Variants in TPRG1 observed in about 807,000 individuals in gnomAD.
TPRG1 encodes the protein tumor protein p63-regulated gene 1 protein.
In TPRG1, 29 loss-of-function variants were observed where a neutral mutation model predicts 29.3. That is an observed-to-expected ratio of 0.99 (90% CI 0.74 to 1.35). TPRG1 has a LOEUF of 1.35. Ranked by LOEUF, TPRG1 falls within the 40% of genes most tolerant of loss-of-function variation. TPRG1 has a pLI of 0.00. For synonymous variants in TPRG1, 130 were observed against 116.8 expected (o/e 1.11, Z -0.73); for missense variants, 327 against 335.0 (o/e 0.98, Z 0.19).
chr3:189,249,208 A>T (rs1741800274), intron 4 of TPRG1, among the ~76,000 whole-genome samples: 1 of 151,720 alleles, frequency 6.6e-6, no homozygotes. Flanking sequence ...TTGAGATAGG[A>T]TAAATTTTTT....
rs143914132 is a variant in TPRG1, at chr3:189,161,761, A to C, written c.-10+10889A>C. Among the ~76,000 whole-genome samples, 33 of 152,362 alleles carry C rather than the reference A, an allele frequency of 2.2e-4. No homozygotes were observed. The East Asian group carries it at 6.2e-3, about 28-fold the overall frequency. ...CAAAGAGCTCTCAGATTAATCAGGGAATGACAATAGTCTAGAAATAATTAT... is the reference window on the plus strand; with the variant it reads ...CAAAGAGCTCTCAGATTAATCAGGGCATGACAATAGTCTAGAAATAATTAT... On this transcript the variant is annotated intron_variant, in intron 5 of 6. Transcript: ENST00000412373.
At chr3:189,231,541 G>T (rs867684377) in intron 3 of TPRG1, among the ~76,000 whole-genome samples, 1 of 151,996 alleles carries the variant, frequency 6.6e-6, no homozygotes, top group Non-Finnish European at 1.5e-5. Context: ...TGTGTGCTTG[G>T]TATTGCATTA....
intron 4 of TPRG1, among the ~76,000 whole-genome samples, chr3:189,086,615 C>T (rs1296230832): frequency 6.6e-6 from 1 of 151,400 alleles, no homozygotes; most frequent in Non-Finnish European, 1.5e-5. Context: ...ACAACCTCCG[C>T]CTCCCGGATT....
chr3:189,218,575 G>A (rs759620728), intron 3 of TPRG1, among the ~76,000 whole-genome samples: 13 of 152,184 alleles, frequency 8.5e-5, no homozygotes, highest in Non-Finnish European at 1.3e-4. Context: ...TCAGAATGAT[G>A]AGAGTAAAAG....
intron 3 of TPRG1, among the ~76,000 whole-genome samples, chr3:189,020,072 G>T (rs1364642919): frequency 6.6e-6 from 1 of 151,972 alleles, no homozygotes; most frequent in African/African-American, 2.4e-5. Flanking sequence ...TGGGATCGGT[G>T]GTGATACCCC....
At chr3:189,211,117 A>G (rs1735194993) in intron 2 of TPRG1, among the ~76,000 whole-genome samples, 1 of 152,180 alleles carries the variant, frequency 6.6e-6, no homozygotes, top group Non-Finnish European at 1.5e-5. Context: ...TATATACACA[A>G]TTCTTGTGTA....
chr3:189,090,891 A>G (rs139688430), intron 4 of TPRG1, among the ~76,000 whole-genome samples: 7 of 152,228 alleles, frequency 4.6e-5, no homozygotes, highest in African/African-American at 1.4e-4. Context: ...ACGTTTTGCA[A>G]TTGTTTCATG....
chr3:189,143,512 T>C (rs1338732880), intron 3 of TPRG1, among the ~76,000 whole-genome samples: 1 of 152,232 alleles, frequency 6.6e-6, no homozygotes, highest in African/African-American at 2.4e-5. Context: ...TGTATGGCTC[T>C]GTCATACAAA....
At chr3:189,166,944 T>G (rs1728234814) in intron 5 of TPRG1, among the ~76,000 whole-genome samples, 1 of 152,192 alleles carries the variant, frequency 6.6e-6, no homozygotes, top group African/African-American at 2.4e-5. Flanking sequence ...AGGAGTAACT[T>G]CTTCCCCTGT....
At chr3:189,156,070 T>C (rs2108614442) in intron 5 of TPRG1, among the ~76,000 whole-genome samples, 1 of 152,322 alleles carries the variant, frequency 6.6e-6, no homozygotes, top group African/African-American at 2.4e-5. Flanking sequence ...TGCATAACTA[T>C]ATGAAAACAT....
intron 4 of TPRG1, among the ~76,000 whole-genome samples, chr3:189,248,437 GA>G (rs1741674647): frequency 6.6e-6 from 1 of 151,456 alleles, no homozygotes; most frequent in Non-Finnish European, 1.5e-5. Context: ...GTTCACAATA[GA>G]ATTCTTTTTT....
At chr3:189,071,736 G>A (rs533018324) in intron 4 of TPRG1, among the ~76,000 whole-genome samples, 2 of 152,314 alleles carry the variant, frequency 1.3e-5, no homozygotes, top group Admixed American at 6.5e-5. Context: ...TACTGCCAAC[G>A]ATTAATGAGC....
At chr3:189,120,417 GATA>G (rs1325571069) in intron 1 of TPRG1, 1 of 152,136 alleles carries the variant, frequency 6.6e-6, no homozygotes, top group African/African-American at 2.4e-5. Context: ...TTAATCTAAT[GATA>G]ATATATTTCA....
Position 189,323,547 on chromosome 3 carries a change from T to C in TPRG1, c.*2727T>C, listed in dbSNP as rs1381093923. On this transcript the variant is annotated 3_prime_UTR_variant, in exon 6 of 6. Transcript: ENST00000345063. Reference sequence around the variant, plus strand: ...GGAAAACATCCAAGGGAACTACATTTCCTCCAGAAATTGTTTCTTCATTAC... The same window carrying C: ...GGAAAACATCCAAGGGAACTACATTCCCTCCAGAAATTGTTTCTTCATTAC... 6.6e-6 allele frequency: 1 copy of C among 152,138 alleles called. No homozygotes were observed. The highest frequency in any genetic ancestry group is 2.4e-5 in the African/African-American group (1 of 41,444). 9.4% of individuals were successfully genotyped at this position (152,138 alleles called of 1,614,324 possible).
intron 4 of TPRG1, among the ~76,000 whole-genome samples, chr3:189,259,459 T>TC (rs1176089074): frequency 6.7e-5 from 9 of 133,386 alleles, no homozygotes; most frequent in African/African-American, 2.1e-4. Context: ...TGCCCAGGAA[T>TC]CCCTTTTTTT....
At chr3:189,186,546 C>T (rs751431446) in intron 1 of TPRG1, among the ~76,000 whole-genome samples, 1 of 152,112 alleles carries the variant, frequency 6.6e-6, no homozygotes, top group Admixed American at 6.5e-5. Context: ...TTTTGACTTA[C>T]AGTAGGATAA....
At chr3:189,008,798 A>G (rs2152122367) in intron 3 of TPRG1, among the ~76,000 whole-genome samples, 1 of 152,308 alleles carries the variant, frequency 6.6e-6, no homozygotes, top group African/African-American at 2.4e-5. Flanking sequence ...CCATCGGGCT[A>G]GTCCCTTGGG....
intron 4 of TPRG1, among the ~76,000 whole-genome samples, chr3:189,262,407 T>C (rs1713277243): frequency 6.6e-6 from 1 of 151,984 alleles, no homozygotes; most frequent in African/African-American, 2.4e-5. Context: ...TGAGAGGCTA[T>C]GGGAAGAGAG....
upstream of TPRG1, among the ~76,000 whole-genome samples, chr3:189,168,895 C>G (rs1462562513): frequency 5.3e-5 from 8 of 152,224 alleles, no homozygotes; most frequent in East Asian, 1.6e-3. Context: ...TGAGGTGATT[C>G]TGGTTCATAC....
Sources: gnomAD v4.1 joint callset for allele counts (sites outside exome capture counted in the v4.1 genomes callset) on GRCh38, gnomAD v4.1.1 for gene constraint, MANE v1.5 for transcripts, NCBI Gene and HGNC (gene_info 2026-07-23, HGNC 2026-07-21) for gene names.